Variants in PTPRT observed in about 807,000 individuals in gnomAD.
PTPRT encodes the protein protein tyrosine phosphatase receptor type T.
PTPRT carries 56 observed loss-of-function variants against 176.8 expected under a neutral mutation model. That is an observed-to-expected ratio of 0.32 (90% CI 0.26 to 0.40). The LOEUF is 0.40. PTPRT is among the 10% of genes least tolerant of loss of function. The pLI is 1.00. For missense variants in PTPRT, 1,540 were observed against 1,908.2 expected (o/e 0.81, Z 3.60); for synonymous variants, 783 against 739.0 (o/e 1.06, Z -0.96).
intron 15 of PTPRT, among the ~76,000 whole-genome samples, chr20:42,213,149 G>C (rs555171496): frequency 6.7e-6 from 1 of 150,098 alleles, no homozygotes; most frequent in Non-Finnish European, 1.5e-5. Context: ...CAAGTTCACC[G>C]GCCCTGCCCT....
intron 15 of PTPRT, 71 bp from the exon 16 acceptor site, chr20:42,199,459 T>C: frequency 6.6e-7 from 1 of 1,510,942 alleles, no homozygotes; most frequent in Non-Finnish European, 9.0e-7. Flanking sequence ...TTGGGTAGAT[T>C]GTTCTTCCCC....
chr20:42,327,955 T>G (rs991779156), intron 11 of PTPRT, among the ~76,000 whole-genome samples: 3 of 152,010 alleles, frequency 2.0e-5, no homozygotes, highest in African/African-American at 7.2e-5. Context: ...AGGACACACA[T>G]AAAAATCAAT....
intron 1 of PTPRT, among the ~76,000 whole-genome samples, chr20:43,154,796 T>A (rs1029620783): frequency 2.0e-5 from 3 of 152,102 alleles, no homozygotes; most frequent in African/African-American, 7.2e-5. Flanking sequence ...ATCTGCAAAC[T>A]GTACATCTGA....
At chr20:42,873,753 A>T (rs1262969193) in intron 2 of PTPRT, among the ~76,000 whole-genome samples, 1 of 152,220 alleles carries the variant, frequency 6.6e-6, no homozygotes, top group Admixed American at 6.5e-5. Flanking sequence ...AGTACTCCGT[A>T]GCCATGTGCG....
intron 1 of PTPRT, among the ~76,000 whole-genome samples, chr20:42,987,757 G>A (rs1447214872): frequency 6.6e-6 from 1 of 151,764 alleles, no homozygotes; most frequent in South Asian, 2.1e-4. Context: ...CACCCATACA[G>A]ATAAACAATA....
At chr20:43,036,686 A>G (rs1986393574) in intron 1 of PTPRT, among the ~76,000 whole-genome samples, 1 of 152,232 alleles carries the variant, frequency 6.6e-6, no homozygotes, top group South Asian at 2.1e-4. Flanking sequence ...CAAAAACCTT[A>G]AAACAATAGG....
At chr20:42,909,050 G>A (rs1037161621) in intron 1 of PTPRT, among the ~76,000 whole-genome samples, 1 of 152,180 alleles carries the variant, frequency 6.6e-6, no homozygotes, top group Non-Finnish European at 1.5e-5. Context: ...AGCCACTTGG[G>A]AAGCTGAGGT....
At chr20:42,297,803 A>C (rs1481158658) in intron 12 of PTPRT, among the ~76,000 whole-genome samples, 3 of 152,204 alleles carry the variant, frequency 2.0e-5, no homozygotes, top group African/African-American at 7.2e-5. Context: ...TTGCTAAGAC[A>C]ACTAGACAGA....
intron 8 of PTPRT, among the ~76,000 whole-genome samples, chr20:42,465,064 T>C (rs989958664): frequency 6.6e-6 from 1 of 151,932 alleles, no homozygotes; most frequent in Non-Finnish European, 1.5e-5. Flanking sequence ...TTATGGTATA[T>C]ATTAAGTTAT....
At chr20:42,272,559 T>C (rs2056954398) in intron 13 of PTPRT, among the ~76,000 whole-genome samples, 1 of 152,194 alleles carries the variant, frequency 6.6e-6, no homozygotes, top group South Asian at 2.1e-4. Context: ...TCCCATTCTG[T>C]AGCCTTCTCC....
intron 6 of PTPRT, among the ~76,000 whole-genome samples, chr20:42,754,008 G>A (rs1198882467): frequency 1.3e-5 from 2 of 152,156 alleles, no homozygotes; most frequent in Admixed American, 6.5e-5. Flanking sequence ...ACCATGAGGA[G>A]CGGGAATGAA....
chr20:42,795,353 C>T (rs2077438610), intron 2 of PTPRT, among the ~76,000 whole-genome samples: 1 of 152,252 alleles, frequency 6.6e-6, no homozygotes, highest in Admixed American at 6.5e-5. Context: ...TGATAAGCGC[C>T]TCGTTATTGA....
At chr20:43,119,924 C>G (rs2013194583) in intron 1 of PTPRT, among the ~76,000 whole-genome samples, 2 of 152,090 alleles carry the variant, frequency 1.3e-5, no homozygotes, top group Non-Finnish European at 2.9e-5. Flanking sequence ...AGCTGACTGA[C>G]CCTGGTTAAG....
intron 13 of PTPRT, 95 bp from the exon 14 acceptor site, chr20:42,248,917 C>T (rs925613660): frequency 4.8e-6 from 7 of 1,452,682 alleles, no homozygotes; most frequent in Non-Finnish European, 6.6e-6. Flanking sequence ...TAGTTGAGTG[C>T]TAACTATGTG....
the PTPRT span, among the ~76,000 whole-genome samples, chr20:42,046,588 C>T: frequency 3.9e-5 from 6 of 152,322 alleles, no homozygotes; most frequent in African/African-American, 1.4e-4. Context: ...AAACGACTTA[C>T]AGTGGGGACC....
chr20:42,676,761 A>G (rs192196770), intron 7 of PTPRT, among the ~76,000 whole-genome samples: 8 of 152,356 alleles, frequency 5.3e-5, no homozygotes, highest in African/African-American at 9.6e-5. Context: ...GATATAACAT[A>G]AATAAGGTAA....
chr20:42,414,503 G>GAAAATAAATAGAAAATAAAAA (rs2059047317), intron 9 of PTPRT, among the ~76,000 whole-genome samples: 1 of 152,166 alleles, frequency 6.6e-6, no homozygotes, highest in African/African-American at 2.4e-5. Flanking sequence ...TGGTGAATCA[G>GAAAATAAATAGAAAATAAAAA]CTGAAAAACT....
intron 5 of PTPRT, among the ~76,000 whole-genome samples, chr20:42,765,492 G>C (rs1396215269): frequency 6.6e-6 from 1 of 151,898 alleles, no homozygotes; most frequent in East Asian, 1.9e-4. Context: ...TCTGTAACTG[G>C]GAAAAAGTGA....
intron 16 of PTPRT, among the ~76,000 whole-genome samples, chr20:42,174,234 TA>T (rs1227399386): frequency 2.8e-4 from 42 of 152,278 alleles, no homozygotes; most frequent in Admixed American, 2.6e-4. Flanking sequence ...GTCAGTAAGT[TA>T]CTCAAAGCAT....
Sources: gnomAD v4.1 joint callset for allele counts (sites outside exome capture counted in the v4.1 genomes callset) on GRCh38, gnomAD v4.1.1 for gene constraint, MANE v1.5 for transcripts, NCBI Gene and HGNC (gene_info 2026-07-23, HGNC 2026-07-21) for gene names.